Variants in TSGA10 observed in about 807,000 individuals in gnomAD.
TSGA10 encodes the protein testis specific 10, also known as testis-specific gene 10 protein.
A neutral mutation model predicts 96.6 loss-of-function variants in TSGA10; 43 were observed. The ratio of observed to expected loss-of-function variants is 0.44; its 90% CI spans 0.35 to 0.57. TSGA10 has a LOEUF of 0.57. TSGA10 is among the 20% of genes least tolerant of loss of function. TSGA10 has a pLI of 0.01. For synonymous variants in TSGA10, 229 were observed against 269.9 expected (o/e 0.85, Z 1.48); for missense variants, 703 against 834.4 (o/e 0.84, Z 1.94).
chr2:98,998,827 A>G (rs573791911), intron 20 of TSGA10, among the ~76,000 whole-genome samples: 29 of 152,336 alleles, frequency 1.9e-4, no homozygotes, highest in Middle Eastern at 3.4e-3. Flanking sequence ...AAGCTGGGGT[A>G]AGGATATGTG....
At chr2:99,150,408 C>G (rs1345965840) in intron 1 of TSGA10, 1 of 822,740 alleles carries the variant, frequency 1.2e-6, no homozygotes, top group Non-Finnish European at 1.9e-6. Flanking sequence ...CACAGCTTTT[C>G]ATTCAAACAA....
chr2:99,009,548 G>C (rs2078821863), intron 20 of TSGA10, among the ~76,000 whole-genome samples: 1 of 145,452 alleles, frequency 6.9e-6, no homozygotes, highest in Admixed American at 6.9e-5. Context: ...CTCCAGCCTG[G>C]GTGACAGAGC....
At chr2:99,103,371 TA>T (rs1458342080) in intron 10 of TSGA10, among the ~76,000 whole-genome samples, 1 of 152,216 alleles carries the variant, frequency 6.6e-6, no homozygotes. Flanking sequence ...CAACAGATAC[TA>T]AAAGTAAAAC....
chr2:99,073,067 T>C lies in TSGA10; in HGVS notation c.889A>G (p.Thr297Ala). ...ATGATATTCTTCATGCCTGAAATGG[T>C]CTTTTCCTTGAAAAATAATATAAGT... ...LGESLAMKEK[T>A]ISGMKNIIAE... is the part of the protein sequence containing the mutation. Residue 297 changes from threonine to alanine, a missense_variant, in exon 13 of 21, where the codon ACC becomes GCC. Coordinates refer to ENST00000393483, the MANE Select transcript of TSGA10 (RefSeq NM_025244.4). 1.3e-6 allele frequency: 2 copies of C among 1,594,888 alleles called. No individual in the cohort carries two copies. The highest frequency in any genetic ancestry group is 1.7e-4 in the Middle Eastern group (1 of 5,990).
intron 3 of TSGA10, 73 bp downstream of exon 3, chr2:99,118,478 C>CAT (rs912289966): frequency 1.3e-4 from 50 of 373,492 alleles, no homozygotes; most frequent in South Asian, 7.7e-4. Context: ...AGTATATATA[C>CAT]ATATATATAT....
chr2:99,004,506 A>G (rs1412117840), intron 20 of TSGA10, among the ~76,000 whole-genome samples: 1 of 152,142 alleles, frequency 6.6e-6, no homozygotes, highest in East Asian at 1.9e-4. Flanking sequence ...AGAGAATACT[A>G]CAAACACCTC....
intron 10 of TSGA10, among the ~76,000 whole-genome samples, chr2:99,095,829 C>T (rs12987548): frequency 0.51 from 77,215 of 151,996 alleles, 21,524 homozygotes; most frequent in Middle Eastern, 0.7. Flanking sequence ...TTAGTAGAGA[C>T]GGAGTTTCAC....
intron 20 of TSGA10, among the ~76,000 whole-genome samples, chr2:99,006,143 C>G (rs1363240615): frequency 6.6e-6 from 1 of 152,136 alleles, no homozygotes; most frequent in East Asian, 1.9e-4. Context: ...AAAATTAATT[C>G]AAGATGGATT....
chr2:99,083,475 C>T (rs555518034), intron 10 of TSGA10, among the ~76,000 whole-genome samples: 18 of 152,008 alleles, frequency 1.2e-4, no homozygotes, highest in African/African-American at 4.3e-4. Flanking sequence ...CGAAAAACAC[C>T]CCCAAAAAAT....
chr2:99,130,142 T>C (rs2093007872), intron 1 of TSGA10, among the ~76,000 whole-genome samples: 1 of 152,232 alleles, frequency 6.6e-6, no homozygotes, highest in Admixed American at 6.5e-5. Context: ...TTTGGGTATA[T>C]ACCCAGTAAT....
intron 20 of TSGA10, among the ~76,000 whole-genome samples, chr2:99,017,795 G>T (rs2079652815): frequency 6.6e-6 from 1 of 151,498 alleles, no homozygotes; most frequent in Admixed American, 6.6e-5. Context: ...TGATACATTG[G>T]ACTTTGGGGA....
At chr2:99,018,165 T>A (rs1425931277) in intron 20 of TSGA10, 35 bp downstream of exon 20, 1 of 1,612,542 alleles carries the variant, frequency 6.2e-7, no homozygotes, top group Non-Finnish European at 8.5e-7. Context: ...TACTGCTATT[T>A]GATCTCAAGA....
At chr2:99,084,039 T>C (rs1465320798) in intron 10 of TSGA10, among the ~76,000 whole-genome samples, 3 of 152,196 alleles carry the variant, frequency 2.0e-5, no homozygotes, top group African/African-American at 7.2e-5. Flanking sequence ...ATACATCGAC[T>C]TATCTGTATA....
At chr2:99,042,914 G>C (rs141017849) in intron 16 of TSGA10, among the ~76,000 whole-genome samples, 2,754 of 152,064 alleles carry the variant, frequency 0.018, 86 homozygotes, top group African/African-American at 0.063. Context: ...GGCCAGGCTG[G>C]TCTCAAACTC....
At chr2:99,102,613 C>A in intron 10 of TSGA10, 1 of 1,614,120 alleles carries the variant, frequency 6.2e-7, no homozygotes, top group South Asian at 1.1e-5. Flanking sequence ...CAGTTTATTA[C>A]AACTACTTTT....
intron 1 of TSGA10, among the ~76,000 whole-genome samples, chr2:99,143,736 G>A (rs1008271739): frequency 6.6e-6 from 1 of 152,090 alleles, no homozygotes; most frequent in South Asian, 2.1e-4. Flanking sequence ...CATCCCAAGT[G>A]CTGGGATTAT....
chr2:99,116,807 A>G (rs969343579), intron 4 of TSGA10, among the ~76,000 whole-genome samples: 14 of 152,234 alleles, frequency 9.2e-5, no homozygotes, highest in African/African-American at 3.4e-4. Context: ...ATTTTAATAC[A>G]TGCATCAACG....
Position 99,110,890 on chromosome 2 carries a change from T to C in TSGA10, c.-114A>G, listed in dbSNP as rs972181849. On this transcript the variant is annotated 5_prime_UTR_variant, in exon 5 of 21. Transcript: ENST00000393483. ...TATTGTATCTTCCAATACTATAATA[T>C]TATTTTGCTGGCAAATGAGATCAAT... 4.0e-5 allele frequency: 31 copies of C among 771,168 alleles called. No homozygotes were observed. The highest frequency in any genetic ancestry group is 4.9e-5 in the Non-Finnish European group (31 of 634,980). The allele number at this position is 771,168 out of a possible 1,614,324, so 47.8% of individuals were successfully genotyped here.
chr2:99,006,863 C>G (rs998694889), intron 20 of TSGA10, among the ~76,000 whole-genome samples: 42 of 152,146 alleles, frequency 2.8e-4, no homozygotes, highest in African/African-American at 9.9e-4. Flanking sequence ...TATTGTGGCA[C>G]TATTCACAAT....
Sources: gnomAD v4.1 joint callset for allele counts (sites outside exome capture counted in the v4.1 genomes callset) on GRCh38, gnomAD v4.1.1 for gene constraint, MANE v1.5 for transcripts, NCBI Gene and HGNC (gene_info 2026-07-23, HGNC 2026-07-21) for gene names.